The following L3MBTL4 variants were observed in gnomAD, a reference collection of about 807,000 sequenced individuals.
The protein encoded by L3MBTL4 is L3MBTL histone methyl-lysine binding protein 4, also known as lethal(3)malignant brain tumor-like protein 4.
Under a neutral mutation model 84.5 loss-of-function variants are expected in L3MBTL4, and 70 were observed. The observed-to-expected ratio is 0.83, with a 90% CI of 0.68 to 1.01. L3MBTL4 has a LOEUF of 1.01. Among genes scored for constraint, L3MBTL4 ranks in the 50% least tolerant of loss-of-function variants. L3MBTL4 has a pLI of 0.00. For missense variants in L3MBTL4, 715 were observed against 754.8 expected (o/e 0.95, Z 0.62); for synonymous variants, 274 against 259.8 (o/e 1.05, Z -0.52).
chr18:6,217,458 C>T (rs948049157), intron 10 of L3MBTL4, among the ~76,000 whole-genome samples: 1 of 152,182 alleles, frequency 6.6e-6, no homozygotes, highest in Non-Finnish European at 1.5e-5. Context: ...GCCTTCAGAA[C>T]ATTCATTTTC....
At chr18:6,136,357 T>C (rs970763843) in intron 14 of L3MBTL4, among the ~76,000 whole-genome samples, 2 of 152,142 alleles carry the variant, frequency 1.3e-5, no homozygotes, top group Non-Finnish European at 2.9e-5. Flanking sequence ...CTAAGGCCAA[T>C]TCACGCTGAC....
rs2047023556 is a variant in L3MBTL4, at chr18:6,232,136, C to T, written c.784+5828G>A. Among the ~76,000 whole-genome samples the T allele has an allele frequency of 3.3e-5, 5 of 152,132 alleles. No individual in the cohort carries two copies. The South Asian group carries it at 1.0e-3, about 32-fold the overall frequency. ...GTCAAATGCTTTTCTGCCTTAATTG[C>T]AATAGCATGTGGTTTTTTCTCTACA... On this transcript the variant is annotated intron_variant, in intron 10 of 18. Transcript: ENST00000317931.
intron 10 of L3MBTL4, among the ~76,000 whole-genome samples, chr18:6,235,134 C>T (rs1306438199): frequency 2.0e-5 from 3 of 152,026 alleles, no homozygotes; most frequent in Non-Finnish European, 4.4e-5. Context: ...CACTTGGACA[C>T]AGGGTGGGGA....
At chr18:6,121,647 AT>A (rs1337569862) in intron 14 of L3MBTL4, among the ~76,000 whole-genome samples, 3 of 150,380 alleles carry the variant, frequency 2.0e-5, no homozygotes, top group South Asian at 4.2e-4. Context: ...CTTTTTCTTT[AT>A]TTTTTAAATA....
At chr18:6,280,787 A>C (rs2049287835) in intron 4 of L3MBTL4, among the ~76,000 whole-genome samples, 1 of 152,202 alleles carries the variant, frequency 6.6e-6, no homozygotes, top group Non-Finnish European at 1.5e-5. Flanking sequence ...AAAAGTGACC[A>C]CAACAGGAGC....
chr18:6,017,441 CACTGTA>C (rs1274222154), intron 16 of L3MBTL4, among the ~76,000 whole-genome samples: 1 of 152,222 alleles, frequency 6.6e-6, no homozygotes, highest in Admixed American at 6.5e-5. Context: ...TAGAGTTTTA[CACTGTA>C]ATTTTAAATT....
At chr18:6,109,347 T>C (rs565347493) in intron 14 of L3MBTL4, among the ~76,000 whole-genome samples, 2 of 152,274 alleles carry the variant, frequency 1.3e-5, no homozygotes, top group East Asian at 3.9e-4. Context: ...TGTGCATGTA[T>C]GTAGACAGAT....
intron 16 of L3MBTL4, among the ~76,000 whole-genome samples, chr18:6,052,916 C>T (rs970815152): frequency 6.6e-6 from 1 of 152,238 alleles, no homozygotes; most frequent in South Asian, 2.1e-4. Context: ...CTACAGTGCA[C>T]ACTTGTTGGC....
At chr18:6,176,929 G>T (rs1438638976) in intron 12 of L3MBTL4, among the ~76,000 whole-genome samples, 4 of 152,120 alleles carry the variant, frequency 2.6e-5, no homozygotes, top group African/African-American at 9.7e-5. Flanking sequence ...AAACCAAAAT[G>T]AATTACTACC....
intron 16 of L3MBTL4, 148 bp from the exon 17 acceptor site, chr18:5,969,710 C>A (rs575718738): frequency 2.4e-4 from 168 of 696,462 alleles, no homozygotes; most frequent in Middle Eastern, 1.7e-3. Context: ...AGCATCACCC[C>A]CAAGCATACC....
At chr18:6,340,139 T>A (rs1396896312) in intron 1 of L3MBTL4, among the ~76,000 whole-genome samples, 1 of 152,122 alleles carries the variant, frequency 6.6e-6, no homozygotes. Flanking sequence ...TTTATGAACA[T>A]CTTTTTTAAA....
chr18:6,066,327 T>C lies in L3MBTL4; in HGVS notation c.1444+14554A>G, dbSNP rs1412824567. 2.6e-5 allele frequency among the ~76,000 whole-genome samples: 4 copies of C among 152,120 alleles called. No individual in the cohort carries two copies. In the East Asian group the frequency reaches 7.7e-4, roughly 29 times the overall value. On this transcript the variant is annotated intron_variant, in intron 16 of 18. Transcript: ENST00000317931. ...ATGTGCTGATGAATAGAATGTATAT[T>C]CTGTATTTGGGAAGACTGTTCTGTA...
At chr18:5,997,083 T>C (rs888852040) in intron 16 of L3MBTL4, among the ~76,000 whole-genome samples, 1 of 144,140 alleles carries the variant, frequency 6.9e-6, no homozygotes, top group African/African-American at 2.9e-5. Flanking sequence ...AACATTACAA[T>C]AGTAAAAACA....
intron 1 of L3MBTL4, among the ~76,000 whole-genome samples, chr18:6,363,478 G>T (rs114390245): frequency 6.6e-6 from 1 of 152,274 alleles, no homozygotes; most frequent in African/African-American, 2.4e-5. Context: ...CGTGATGTCA[G>T]AAGTGACAAA....
intron 5 of L3MBTL4, among the ~76,000 whole-genome samples, chr18:6,249,071 C>G (rs557246704): frequency 6.6e-6 from 1 of 152,134 alleles, no homozygotes; most frequent in Admixed American, 6.5e-5. Flanking sequence ...ACTCTCCCAG[C>G]CTTCTTCTCA....
At chr18:6,064,597 G>GTT (rs1437651843) in intron 16 of L3MBTL4, among the ~76,000 whole-genome samples, 8 of 27,216 alleles carry the variant, frequency 2.9e-4, no homozygotes, top group African/African-American at 6.7e-4. Flanking sequence ...TATATTCCTA[G>GTT]GTTTTTTTTT....
intron 10 of L3MBTL4, among the ~76,000 whole-genome samples, chr18:6,229,184 C>G (rs2046895237): frequency 6.6e-6 from 1 of 152,122 alleles, no homozygotes; most frequent in Non-Finnish European, 1.5e-5. Context: ...TGAACACATA[C>G]TTGAGGAACA....
chr18:5,959,498 G>A (rs1475389692), intron 18 of L3MBTL4, among the ~76,000 whole-genome samples: 1 of 152,168 alleles, frequency 6.6e-6, no homozygotes, highest in Admixed American at 6.5e-5. Flanking sequence ...CTAATTCCAG[G>A]AAATATGCGA....
At chr18:6,288,042 C>T (rs954773262) in intron 4 of L3MBTL4, among the ~76,000 whole-genome samples, 27 of 152,090 alleles carry the variant, frequency 1.8e-4, no homozygotes, top group African/African-American at 6.3e-4. Context: ...GACTCTGTCT[C>T]AACAAAATAA....
Sources: gnomAD v4.1 joint callset for allele counts (sites outside exome capture counted in the v4.1 genomes callset) on GRCh38, gnomAD v4.1.1 for gene constraint, MANE v1.5 for transcripts, NCBI Gene and HGNC (gene_info 2026-07-23, HGNC 2026-07-21) for gene names.